Variants in PARVB observed in about 807,000 individuals in gnomAD.
The protein encoded by PARVB is parvin beta.
PARVB carries 46 observed loss-of-function variants against 47.0 expected under a neutral mutation model. That is an observed-to-expected ratio of 0.98 (90% confidence interval 0.77 to 1.25). PARVB has a LOEUF of 1.25. Among genes scored for constraint, PARVB ranks in the 50% most tolerant of loss-of-function variants. The pLI is 0.00. For synonymous variants in PARVB, 196 were observed against 196.3 expected, an observed-to-expected ratio of 1.00 and a Z score of 0.01; for missense variants, 473 against 471.6, an observed-to-expected ratio of 1.00 and a Z score of -0.03.
At chr22:44,081,812 C>A (rs1432662562) in intron 1 of PARVB, among the ~76,000 whole-genome samples, 5 of 152,138 alleles carry the variant, frequency 3.3e-5, no homozygotes, top group Admixed American at 2.0e-4. Context: ...AGAATTGTTT[C>A]TTTTGGGTTT....
intron 2 of PARVB, among the ~76,000 whole-genome samples, chr22:44,018,056 T>A (rs1469436452): frequency 6.6e-6 from 1 of 151,836 alleles, no homozygotes; most frequent in Non-Finnish European, 1.5e-5. Flanking sequence ...ATACAGAGAG[T>A]ACCCGGATCT....
At chr22:44,162,762 C>G (rs1676796590) in intron 11 of PARVB, 1 of 152,216 alleles carries the variant, frequency 6.6e-6, no homozygotes, top group African/African-American at 2.4e-5. Context: ...TGGTTCATTG[C>G]CGGCATCCCT....
chr22:44,090,011 TCA>T (rs1207962903), intron 1 of PARVB, among the ~76,000 whole-genome samples: 2 of 152,222 alleles, frequency 1.3e-5, no homozygotes, highest in African/African-American at 4.8e-5. Context: ...TGGAGCCTAA[TCA>T]CAGAGACCCT....
At chr22:44,044,191 G>GTTT (rs776354860) in intron 1 of PARVB, among the ~76,000 whole-genome samples, 6 of 134,988 alleles carry the variant, frequency 4.4e-5, no homozygotes, top group Admixed American at 1.5e-4. Context: ...ATTTTTTGTG[G>GTTT]TTTTTTTTTT....
upstream of PARVB, among the ~76,000 whole-genome samples, chr22:44,020,592 A>C (rs1190990676): frequency 6.6e-6 from 1 of 152,080 alleles, no homozygotes; most frequent in Non-Finnish European, 1.5e-5. Flanking sequence ...TGGCTCACAA[A>C]ACTCAGGGCA....
chr22:44,071,981 CT>C (rs1308341222), intron 1 of PARVB, among the ~76,000 whole-genome samples: 2 of 152,222 alleles, frequency 1.3e-5, no homozygotes, highest in Non-Finnish European at 2.9e-5. Context: ...TTCTAACACC[CT>C]CCTTCCCTCC....
chr22:44,095,865 C>T (rs1351472809), intron 2 of PARVB, among the ~76,000 whole-genome samples: 1 of 152,218 alleles, frequency 6.6e-6, no homozygotes. Context: ...GACCCGAAGC[C>T]AGAGCTGGTG....
intron 3 of PARVB, 40 bp downstream of exon 3, chr22:44,100,163 C>A: frequency 6.5e-7 from 1 of 1,526,932 alleles, no homozygotes; most frequent in Non-Finnish European, 9.1e-7. Context: ...CCTCTTAGGG[C>A]GAGGACTTGG....
chr22:44,158,940 T>C (rs1405509726), intron 11 of PARVB, among the ~76,000 whole-genome samples: 1 of 152,230 alleles, frequency 6.6e-6, no homozygotes, highest in African/African-American at 2.4e-5. Context: ...TGTTTATCAA[T>C]CTGCCCACTT....
At chr22:44,154,229 C>G (rs2053870451) in intron 10 of PARVB, among the ~76,000 whole-genome samples, 1 of 152,142 alleles carries the variant, frequency 6.6e-6, no homozygotes, top group Non-Finnish European at 1.5e-5. Flanking sequence ...ATTAATCGTA[C>G]TATATAGAGT....
intron 10 of PARVB, 114 bp from the exon 11 acceptor site, chr22:44,157,868 G>C: frequency 1.4e-6 from 1 of 699,192 alleles, no homozygotes; most frequent in Non-Finnish European, 2.5e-6. Flanking sequence ...ACTCCAGCCT[G>C]GGTGACAGAG....
At chr22:44,107,087 T>G (rs2052584724) in intron 3 of PARVB, 1 of 152,254 alleles carries the variant, frequency 6.6e-6, no homozygotes, top group African/African-American at 2.4e-5. Flanking sequence ...AACATGAGCA[T>G]GAACAGGGCA....
At chr22:44,118,009 C>T (rs2052949931) in intron 3 of PARVB, among the ~76,000 whole-genome samples, 1 of 152,136 alleles carries the variant, frequency 6.6e-6, no homozygotes, top group South Asian at 2.1e-4. Flanking sequence ...TGAAGTGTAT[C>T]ACCCGGTGAA....
At chr22:44,118,498 C>T (rs2052964117) in intron 3 of PARVB, among the ~76,000 whole-genome samples, 1 of 152,192 alleles carries the variant, frequency 6.6e-6, no homozygotes, top group Non-Finnish European at 1.5e-5. Context: ...CATAACTTCC[C>T]TTTGCTGTCC....
At chr22:44,112,902 C>T (rs2052742035) in intron 3 of PARVB, 1 of 90,224 alleles carries the variant, frequency 1.1e-5, no homozygotes, top group Non-Finnish European at 2.1e-5. Context: ...GGCCCTGTAC[C>T]AACACAGATA....
intron 4 of PARVB, among the ~76,000 whole-genome samples, chr22:44,126,836 C>G (rs1159561887): frequency 6.6e-6 from 1 of 152,194 alleles, no homozygotes; most frequent in East Asian, 1.9e-4. Flanking sequence ...GTCAGCAAGC[C>G]TTGTATCTGG....
At chr22:44,040,951 C>T (rs1216258647) in intron 1 of PARVB, among the ~76,000 whole-genome samples, 3 of 151,470 alleles carry the variant, frequency 2.0e-5, no homozygotes, top group African/African-American at 7.3e-5. Flanking sequence ...TGCAGTGAGC[C>T]GAGATCACGC....
chr22:44,081,657 G>T, intron 1 of PARVB: 4 of 982,830 alleles, frequency 4.1e-6, no homozygotes, highest in Non-Finnish European at 4.8e-6. Context: ...AGTCTCATGG[G>T]GCTCGTCTGT....
intron 1 of PARVB, among the ~76,000 whole-genome samples, chr22:44,028,176 T>C (rs1347755213): frequency 6.6e-6 from 1 of 152,052 alleles, no homozygotes; most frequent in African/African-American, 2.4e-5. Context: ...TCTGTGGCTC[T>C]GGATGGATGT....
Sources: allele counts gnomAD v4.1 joint callset (sites outside exome capture counted in the v4.1 genomes callset), GRCh38; gene constraint gnomAD v4.1.1; transcripts MANE v1.5; gene names NCBI Gene and HGNC (gene_info 2026-07-23, HGNC 2026-07-21).